Variants in NRXN1 observed in about 807,000 individuals in gnomAD.
The protein encoded by NRXN1 is neurexin-1.
Under a neutral mutation model 150.9 loss-of-function variants are expected in NRXN1, and 39 were observed. That is an observed-to-expected ratio of 0.26 (90% CI 0.20 to 0.34). The LOEUF (loss-of-function observed/expected upper bound fraction) is 0.34. Ranked by LOEUF, NRXN1 falls within the 10% of genes least tolerant of loss-of-function variation. The pLI is 1.00. For missense variants in NRXN1, 1,815 were observed against 1,949.9 expected (o/e 0.93, Z 1.30); for synonymous variants, 924 against 757.0 (o/e 1.22, Z -3.62).
intron 16 of NRXN1, among the ~76,000 whole-genome samples, chr2:50,467,448 T>C (rs2089010608): frequency 6.6e-6 from 1 of 151,774 alleles, no homozygotes; most frequent in Middle Eastern, 3.4e-3. Flanking sequence ...CTGAGGTGCC[T>C]GCTTTAGTGA....
chr2:50,185,822 A>G (rs2061032854), intron 18 of NRXN1, among the ~76,000 whole-genome samples: 1 of 152,086 alleles, frequency 6.6e-6, no homozygotes, highest in African/African-American at 2.4e-5. Flanking sequence ...TTATACTACT[A>G]TGACTGCACA....
At chr2:50,715,637 G>A (rs1407004513) in intron 5 of NRXN1, among the ~76,000 whole-genome samples, 1 of 152,072 alleles carries the variant, frequency 6.6e-6, no homozygotes, top group Non-Finnish European at 1.5e-5. Flanking sequence ...TCTACTCACT[G>A]AAAGTGAAGT....
At chr2:50,162,358 A>G (rs1367470682) in intron 18 of NRXN1, among the ~76,000 whole-genome samples, 1 of 152,190 alleles carries the variant, frequency 6.6e-6, no homozygotes, top group African/African-American at 2.4e-5. Context: ...CAAGTCTGCA[A>G]TCTCCTAAAT....
chr2:50,858,819 C>G (rs547098198), intron 5 of NRXN1, among the ~76,000 whole-genome samples: 1 of 152,120 alleles, frequency 6.6e-6, no homozygotes, highest in East Asian at 2.0e-4. Context: ...TTATCTAGAA[C>G]AGAACCCACC....
chr2:49,962,353 T>C (rs1212813299), intron 21 of NRXN1, among the ~76,000 whole-genome samples: 1 of 151,718 alleles, frequency 6.6e-6, no homozygotes, highest in African/African-American at 2.4e-5. Flanking sequence ...GTAATAGAAA[T>C]TTGGATTTTT....
rs727504051 is a variant in NRXN1, at chr2:50,538,483, T to C, written c.1913A>G (p.Tyr638Cys). The stretch of plus-strand genomic sequence containing the variant: ...ATCCCTGATGCAGCCCACGTAGCCA[T>C]AGTTGAGCAGAGCAGTCCACACCTC... ...PTEVWTALLN[Y>C]GYVGCIRDLF... Residue 638 changes from tyrosine (Y) to cysteine (C), a missense_variant, in exon 10 of 23, where the codon TAT becomes TGT. Around this residue, in one of 6 missense-constraint regions of NRXN1, gnomAD observed 638 missense variants for 652.6 expected, o/e 0.98. Coordinates refer to ENST00000401669, the MANE Select transcript of NRXN1 (RefSeq NM_001330078.2). 3.7e-6 allele frequency: 6 copies of C among 1,613,816 alleles called. No individual in the cohort carries two copies. The highest frequency in any genetic ancestry group is 1.3e-5 in the African/African-American group (1 of 75,034).
Position 50,495,387 on chromosome 2 carries a change from GTGT to G in NRXN1, c.3070+515_3070+517del, listed in dbSNP as rs1558829234. Among the ~76,000 whole-genome samples, 137 of 137,326 alleles carry G rather than the reference GTGT, an allele frequency of 1.0e-3. 2 individuals carry two copies. Among genetic ancestry groups the G allele is most frequent in the African/African-American group, 3.9e-3 (129 of 33,478 alleles). The allele number at this position is 137,326 out of a possible 152,430, so 90.1% of individuals were successfully genotyped here. A position where few individuals can be genotyped will look rare whatever the true frequency, so the allele number is the denominator to read the frequency against. ...GTGTGTGTGTGTGTGTGTGGTGTGT[GTGT>G]GTGTGTGTGTGTGTGTGTGTGTGTG... On this transcript the variant is annotated intron_variant, in intron 15 of 22. Transcript: ENST00000401669.
chr2:50,687,771 T>C (rs991985144), intron 5 of NRXN1, among the ~76,000 whole-genome samples: 5 of 152,298 alleles, frequency 3.3e-5, no homozygotes, highest in Admixed American at 2.6e-4. Context: ...TATGTCCCCA[T>C]TCAGTTTCAA....
At chr2:50,005,307 G>A (rs1684579182) in intron 21 of NRXN1, among the ~76,000 whole-genome samples, 1 of 152,048 alleles carries the variant, frequency 6.6e-6, no homozygotes, top group African/African-American at 2.4e-5. Context: ...ACTATAGAAA[G>A]CAGATTATTT....
chr2:50,773,153 C>T (rs1047648108), intron 5 of NRXN1, among the ~76,000 whole-genome samples: 9 of 152,222 alleles, frequency 5.9e-5, no homozygotes, highest in African/African-American at 1.9e-4. Flanking sequence ...CATTTGGACT[C>T]TACAATATTT....
intron 2 of NRXN1, among the ~76,000 whole-genome samples, chr2:50,972,860 C>A (rs954546600): frequency 3.9e-5 from 6 of 152,170 alleles, no homozygotes; most frequent in East Asian, 3.9e-4. Flanking sequence ...GGGTTGGGAA[C>A]CCCTGACTTA....
intron 5 of NRXN1, among the ~76,000 whole-genome samples, chr2:50,890,869 ATTAGGT>A (rs1467817215): frequency 1.3e-5 from 2 of 151,964 alleles, no homozygotes; most frequent in African/African-American, 4.8e-5. Flanking sequence ...ACTTCTAATG[ATTAGGT>A]TTATTTTCAG....
intron 5 of NRXN1, among the ~76,000 whole-genome samples, chr2:50,858,294 C>T (rs1675565212): frequency 1.3e-5 from 2 of 152,016 alleles, no homozygotes; most frequent in South Asian, 4.1e-4. Flanking sequence ...ATGAACAAAA[C>T]ACAAACATAA....
intron 5 of NRXN1, among the ~76,000 whole-genome samples, chr2:50,808,620 G>T (rs907669678): frequency 6.6e-6 from 1 of 151,976 alleles, no homozygotes; most frequent in African/African-American, 2.4e-5. Context: ...GCAATTGAGG[G>T]CCCACACAAT....
At chr2:50,758,456 T>C (rs1701412236) in intron 5 of NRXN1, among the ~76,000 whole-genome samples, 1 of 151,870 alleles carries the variant, frequency 6.6e-6, no homozygotes, top group Non-Finnish European at 1.5e-5. Flanking sequence ...TTCCTTCTTA[T>C]AAGCTATTTA....
intron 5 of NRXN1, among the ~76,000 whole-genome samples, chr2:50,748,435 G>A (rs1700236469): frequency 6.6e-6 from 1 of 152,062 alleles, no homozygotes; most frequent in Admixed American, 6.6e-5. Flanking sequence ...AGAATTATTG[G>A]CAATTATGTT....
In NRXN1 at chr2:50,829,252, G is replaced by C. The variant is rs552500657; in HGVS notation, c.832+92617C>G. On this transcript the variant is annotated intron_variant, in intron 5 of 22. Coordinates refer to ENST00000401669, the MANE Select transcript of NRXN1 (RefSeq NM_001330078.2). ...GGGAGAGGGAGACCGTGGGGAGAGG[G>C]AGACCGTGGGGAGAGGGAGAGGGAG... Among the ~76,000 whole-genome samples the C allele has an allele frequency of 8.6e-5, 13 of 151,184 alleles. No homozygotes were observed. In the East Asian group the frequency reaches 9.8e-4, roughly 11 times the overall value.
Position 50,683,646 on chromosome 2 carries a change from A to AAAAAAATATATATATAT in NRXN1, c.833-60032_833-60031insATATATATATATTTTTT. Among the ~76,000 whole-genome samples the AAAAAAATATATATATAT allele has an allele frequency of 3.4e-4, 5 of 14,904 alleles. 1 individual carries two copies. In the Admixed American group the frequency reaches 5.4e-3, roughly 16 times the overall value. 9.8% of individuals were successfully genotyped at this position (14,904 alleles called of 152,430 possible). A position where few individuals can be genotyped will look rare whatever the true frequency, so the allele number is the denominator to read the frequency against. ...GACTCCGTCTCAAAAAAAAAAAAAA[A>AAAAAAATATATATATAT]ATATATATATATATATATATGTTAT... is the stretch of plus-strand genomic sequence containing the variant. On this transcript the variant is annotated intron_variant, in intron 5 of 22. Coordinates refer to ENST00000401669, the MANE Select transcript of NRXN1 (RefSeq NM_001330078.2).
intron 18 of NRXN1, among the ~76,000 whole-genome samples, chr2:50,188,735 G>A (rs2061251376): frequency 6.6e-6 from 1 of 151,768 alleles, no homozygotes; most frequent in Admixed American, 6.6e-5. Context: ...TCAAAAGAAG[G>A]TATTTATGTG....
Sources: gnomAD v4.1 joint callset for allele counts (sites outside exome capture counted in the v4.1 genomes callset) on GRCh38, gnomAD v4.1.1 for gene constraint, gnomAD v4.1.1 regional missense constraint, MANE v1.5 for transcripts, NCBI Gene and HGNC (gene_info 2026-07-23, HGNC 2026-07-21) for gene names.